Variants in ABLIM2 observed in about 807,000 individuals in gnomAD.
ABLIM2 encodes actin-binding LIM protein 2.
Under a neutral mutation model 97.7 loss-of-function variants are expected in ABLIM2, and 53 were observed. The ratio of observed to expected loss-of-function variants is 0.54; its 90% CI spans 0.44 to 0.68. ABLIM2 has a LOEUF of 0.68. ABLIM2 is among the 30% of genes least tolerant of loss of function. The pLI is 0.00. For synonymous variants in ABLIM2, 361 were observed against 345.8 expected, an observed-to-expected ratio of 1.04 and a Z score of -0.49; for missense variants, 835 against 867.2, an observed-to-expected ratio of 0.96 and a Z score of 0.47.
chr4:8,079,140 C>T (rs1210163491), intron 5 of ABLIM2, among the ~76,000 whole-genome samples: 1 of 152,254 alleles, frequency 6.6e-6, no homozygotes, highest in Non-Finnish European at 1.5e-5. Flanking sequence ...TAAGCCATCG[C>T]TCAGAGAGTG....
At chr4:8,079,754 G>A (rs1426425511) in intron 5 of ABLIM2, among the ~76,000 whole-genome samples, 1 of 149,176 alleles carries the variant, frequency 6.7e-6, no homozygotes, top group East Asian at 1.9e-4. Flanking sequence ...ATGCATATGC[G>A]TGCGTGCGTG....
In ABLIM2 at chr4:8,150,944, G is replaced by C. The variant is rs907470022; in HGVS notation, c.10+7736C>G. Among the ~76,000 whole-genome samples, 2 of 152,262 alleles carry C rather than the reference G, an allele frequency of 1.3e-5. No homozygotes were observed. The highest frequency in any genetic ancestry group is 2.4e-5 in the African/African-American group (1 of 41,568). Reference sequence around the variant, plus strand: ...TCAGGTTTGTCCCTGAGCTGTGAAGGGTATTTACAGCTGTGACAAAGGCCA... The same window carrying C: ...TCAGGTTTGTCCCTGAGCTGTGAAGCGTATTTACAGCTGTGACAAAGGCCA... On this transcript the variant is annotated intron_variant, in intron 1 of 20. Transcript: ENST00000447017. This position sits in a 1 kb window ranked among gnomAD's most constrained non-coding sequence, Gnocchi z 6.3.
intron 10 of ABLIM2, among the ~76,000 whole-genome samples, chr4:8,034,066 G>A (rs759798362): frequency 3.9e-5 from 6 of 152,200 alleles, no homozygotes; most frequent in Non-Finnish European, 8.8e-5. Context: ...AGAGCGCCAG[G>A]ATGTGCTGAG....
rs555210900 is a variant in ABLIM2 at position 8,091,305 on chromosome 4, T to TTA, written c.339-3023_339-3022dup. 2.2e-4 allele frequency among the ~76,000 whole-genome samples: 8 copies of TTA among 35,558 alleles called. 1 individual carries two copies. Among genetic ancestry groups the TTA allele is most frequent in the Non-Finnish European group, 3.3e-4 (7 of 21,014 alleles). The allele number at this position is 35,558 out of a possible 152,430, so 23.3% of individuals were successfully genotyped here. A position where few individuals can be genotyped will look rare whatever the true frequency, so the allele number is the denominator to read the frequency against. ...ATTATATATAATATTATATATTATATTATATATATATAATTATATATATAT... is the reference window on the plus strand; with the variant it reads ...ATTATATATAATATTATATATTATATTATATATATATATAATTATATATATAT... On this transcript the variant is annotated intron_variant, in intron 3 of 20. Transcript: ENST00000447017.
chr4:8,007,433 G>C, intron 16 of ABLIM2: 7 of 985,552 alleles, frequency 7.1e-6, no homozygotes, highest in Non-Finnish European at 8.4e-6. Context: ...GAGACCCGCA[G>C]ACCGCTTCTG....
At chr4:8,050,926 G>T (rs1028820539) in intron 8 of ABLIM2, among the ~76,000 whole-genome samples, 2 of 152,264 alleles carry the variant, frequency 1.3e-5, no homozygotes, top group African/African-American at 4.8e-5. Context: ...TTCAAACAGA[G>T]CCCAGGAAAC....
chr4:8,153,026 G>A (rs1256678812), intron 1 of ABLIM2, among the ~76,000 whole-genome samples: 1 of 152,190 alleles, frequency 6.6e-6, no homozygotes, highest in Non-Finnish European at 1.5e-5. Flanking sequence ...TTGCAGGGAA[G>A]GGACTATGGA....
At chr4:8,057,011 G>A (rs1243290156) in intron 7 of ABLIM2, among the ~76,000 whole-genome samples, 2 of 149,318 alleles carry the variant, frequency 1.3e-5, no homozygotes, top group Admixed American at 6.7e-5. Flanking sequence ...GCAACTTTAA[G>A]GGCTATACAA....
rs1184494092 is a variant in ABLIM2 at position 7,983,327 on chromosome 4, G to A, written c.1761C>T (p.Ser587=). The change falls in exon 20 of 21, where the codon TCC becomes TCT. Residue 587 remains serine, a synonymous_variant. Coordinates refer to ENST00000447017, the MANE Select transcript of ABLIM2 (RefSeq NM_001130083.2). ...MREYKIYPYD[S]LIVTNRIRVK... Reference sequence around the variant, plus strand: ...CGCGAATTCGGTTTGTGACGATGAGGGAGTCATACGGATAGATCTGTTGGG... The same window carrying A: ...CGCGAATTCGGTTTGTGACGATGAGAGAGTCATACGGATAGATCTGTTGGG... The A allele has an allele frequency of 1.2e-6, 2 of 1,611,998 alleles. No homozygotes were observed. Among genetic ancestry groups the A allele is most frequent in the African/African-American group, 1.3e-5 (1 of 74,868 alleles).
intron 1 of ABLIM2, among the ~76,000 whole-genome samples, chr4:8,109,064 T>C (rs977126210): frequency 1.3e-5 from 2 of 152,252 alleles, no homozygotes; most frequent in African/African-American, 4.8e-5. Flanking sequence ...CCGCGTAGCA[T>C]GTCCCAGCTC....
Position 8,077,719 on chromosome 4 carries a change from T to C in ABLIM2, c.584A>G (p.Asp195Gly), listed in dbSNP as rs1332651426. Residue 195 changes from aspartate (D) to glycine (G), a missense_variant and splice_region_variant, in exon 6 of 21, where the codon GAT becomes GGT. Asp to Gly is a moderately conservative substitution (Grantham distance 94). Transcript: ENST00000447017. ...GTCAGCTTCGCAGTAGGGCAGCCCA[T>C]CCCTGCAATGAGACAGGCAGTCAAC... is the stretch of plus-strand genomic sequence containing the variant. ...KLLNAEYISK[D>G]GLPYCEADYH... 3 of 1,610,804 alleles carry C rather than the reference T, an allele frequency of 1.9e-6. No individual in the cohort carries two copies. The highest frequency in any genetic ancestry group is 1.7e-5 in the Admixed American group (1 of 59,714).
intron 20 of ABLIM2, among the ~76,000 whole-genome samples, chr4:7,969,758 C>T (rs1466067564): frequency 2.0e-5 from 3 of 151,866 alleles, no homozygotes; most frequent in African/African-American, 7.3e-5. Flanking sequence ...CACACACACA[C>T]ACACACACAC....
At chr4:8,081,650 C>A (rs1279916115) in intron 4 of ABLIM2, among the ~76,000 whole-genome samples, 1 of 152,130 alleles carries the variant, frequency 6.6e-6, no homozygotes, top group Admixed American at 6.5e-5. Flanking sequence ...GTGGATGTGT[C>A]TTATGGGACT....
At chr4:8,034,090 C>T (rs34790115) in intron 10 of ABLIM2, among the ~76,000 whole-genome samples, 24,817 of 152,218 alleles carry the variant, frequency 0.16, 2,283 homozygotes, top group East Asian at 0.33. Flanking sequence ...ATAGCCAGCA[C>T]ATCCTGTGGT....
intron 9 of ABLIM2, among the ~76,000 whole-genome samples, chr4:8,042,576 C>G (rs1208896058): frequency 6.6e-6 from 1 of 152,200 alleles, no homozygotes; most frequent in African/African-American, 2.4e-5. Context: ...CACAGCGGCT[C>G]ACGCCTGTAA....
chr4:8,061,075 A>G lies in ABLIM2; in HGVS notation c.676-21T>C. ...CCGGCCTGTAAGAAAAGCACAAAGCAGAATGTTTCTACTAAAGCCAGAAAG... is the reference window on the plus strand; with the variant it reads ...CCGGCCTGTAAGAAAAGCACAAAGCGGAATGTTTCTACTAAAGCCAGAAAG... On this transcript the variant is annotated intron_variant, in intron 6 of 20. Coordinates refer to ENST00000447017, the MANE Select transcript of ABLIM2 (RefSeq NM_001130083.2). The surrounding 1 kb of genome is among the most constrained non-coding windows in gnomAD (Gnocchi z 4.5). The G allele has an allele frequency of 6.4e-7, 1 of 1,566,012 alleles. No individual in the cohort carries two copies. Among genetic ancestry groups the G allele is most frequent in the Non-Finnish European group, 8.7e-7 (1 of 1,154,666 alleles).
chr4:8,009,150 G>C, intron 14 of ABLIM2, 48 bp from the exon 15 acceptor site: 5 of 1,608,160 alleles, frequency 3.1e-6, no homozygotes, highest in Non-Finnish European at 4.3e-6. Flanking sequence ...ATTGCTTGTG[G>C]GTTTCTGCCT....
In ABLIM2 at chr4:8,085,463, G is replaced by A. The variant is rs564621565; in HGVS notation, c.454+2706C>T. On this transcript the variant is annotated intron_variant, in intron 4 of 20. Coordinates refer to ENST00000447017, the MANE Select transcript of ABLIM2 (RefSeq NM_001130083.2). The surrounding 1 kb of genome is among the most constrained non-coding windows in gnomAD (Gnocchi z 6.1). ...TTCCCCGCCCCCACGCTGCAGCCCC[G>A]TCCACTCACACGGGTCTGGGGGTGC... Among the ~76,000 whole-genome samples the A allele has an allele frequency of 1.2e-4, 19 of 152,086 alleles. No individual in the cohort carries two copies. Among genetic ancestry groups the A allele is most frequent in the Admixed American group, 3.3e-4 (5 of 15,298 alleles).
chr4:7,982,969 C>T (rs1383672893), intron 20 of ABLIM2, among the ~76,000 whole-genome samples: 1 of 152,232 alleles, frequency 6.6e-6, no homozygotes, highest in African/African-American at 2.4e-5. Context: ...TCCCAAAGTG[C>T]TGGGATTACA....
Sources: gnomAD v4.1 joint callset for allele counts (sites outside exome capture counted in the v4.1 genomes callset) on GRCh38, gnomAD v4.1.1 for gene constraint, Gnocchi (gnomAD v3.1) non-coding constraint, MANE v1.5 for transcripts, NCBI Gene and HGNC (gene_info 2026-07-23, HGNC 2026-07-21) for gene names.